The following VDAC1 variants were observed in gnomAD, a reference collection of about 807,000 sequenced individuals.
VDAC1 encodes non-selective voltage-gated ion channel VDAC1.
VDAC1 carries 10 observed loss-of-function variants against 34.7 expected under a neutral mutation model. That is an observed-to-expected ratio of 0.29 (90% CI 0.18 to 0.49). The LOEUF (loss-of-function observed/expected upper bound fraction) is 0.49, where lower values mean the gene tolerates loss of function less well. Among genes scored for constraint, VDAC1 ranks in the 20% least tolerant of loss-of-function variants. VDAC1 has a pLI of 0.99. For missense variants in VDAC1, 230 were observed against 347.9 expected (o/e 0.66, Z 2.69); for synonymous variants, 130 against 136.0 (o/e 0.96, Z 0.30).
At chr5:134,114,009 C>T in the VDAC1 span, among the ~76,000 whole-genome samples, 3 of 152,150 alleles carry the variant, frequency 2.0e-5, no homozygotes, top group Admixed American at 2.0e-4. Flanking sequence ...GGCTGAGGTC[C>T]GGTGCTCTTG....
chr5:134,032,846 A>G, the VDAC1 span, among the ~76,000 whole-genome samples: 2 of 152,188 alleles, frequency 1.3e-5, no homozygotes, highest in East Asian at 3.8e-4. Context: ...AGCCTGGGCA[A>G]CAGAGTGAGA....
intron 1 of VDAC1, among the ~76,000 whole-genome samples, chr5:133,996,125 G>C (rs1199040282): frequency 6.6e-6 from 1 of 152,212 alleles, no homozygotes; most frequent in African/African-American, 2.4e-5. Flanking sequence ...GGCGTCCTGG[G>C]GGAGTCAGAA....
At chr5:134,093,299 G>A in the VDAC1 span, among the ~76,000 whole-genome samples, 3 of 152,222 alleles carry the variant, frequency 2.0e-5, no homozygotes, top group Non-Finnish European at 4.4e-5. Flanking sequence ...GATGTATTGG[G>A]AGTGTGAGGT....
chr5:134,055,213 G>A, the VDAC1 span, among the ~76,000 whole-genome samples: 1 of 152,184 alleles, frequency 6.6e-6, no homozygotes, highest in African/African-American at 2.4e-5. Flanking sequence ...GGGGTGGGGT[G>A]TAGGGTGGAT....
chr5:133,973,181 A>G (rs1408537234), intron 8 of VDAC1, among the ~76,000 whole-genome samples: 1 of 152,148 alleles, frequency 6.6e-6, no homozygotes, highest in Non-Finnish European at 1.5e-5. Flanking sequence ...TTCTTTGGCA[A>G]TCATCCCTTT....
chr5:134,076,181 G>A, the VDAC1 span, among the ~76,000 whole-genome samples: 1 of 151,934 alleles, frequency 6.6e-6, no homozygotes, highest in Non-Finnish European at 1.5e-5. Context: ...ATTGCACCAC[G>A]TTGGTCAGGC....
At chr5:134,100,499 C>G in the VDAC1 span, among the ~76,000 whole-genome samples, 1 of 152,180 alleles carries the variant, frequency 6.6e-6, no homozygotes, top group African/African-American at 2.4e-5. Flanking sequence ...TGATCTAGAT[C>G]TGGGCTCCCT....
chr5:134,015,427 C>G, the VDAC1 span, among the ~76,000 whole-genome samples: 1 of 152,142 alleles, frequency 6.6e-6, no homozygotes, highest in African/African-American at 2.4e-5. Context: ...GCCCACAACA[C>G]ACATTGAATC....
intron 4 of VDAC1, 27 bp from the exon 5 acceptor site, chr5:133,990,934 G>A: frequency 1.9e-6 from 3 of 1,597,656 alleles, no homozygotes; most frequent in Non-Finnish European, 2.6e-6. Flanking sequence ...TTTGCCACTA[G>A]ATTTAGTCAC....
chr5:133,994,883 TG>T lies in VDAC1; in HGVS notation c.-6-1866del, dbSNP rs1310248791. Among the ~76,000 whole-genome samples, 4 of 152,204 alleles carry T rather than the reference TG, an allele frequency of 2.6e-5. No homozygotes were observed. The East Asian group carries it at 7.7e-4, about 29-fold the overall frequency. On this transcript the variant is annotated intron_variant, in intron 1 of 8. Coordinates refer to ENST00000265333, the MANE Select transcript of VDAC1 (RefSeq NM_003374.3). Reference sequence around the variant, plus strand: ...GGAGAAGCAGTCCAGTGGTAATATCTGTGGGTCACCTAAGACCTCCCTGGAC... The same window carrying T: ...GGAGAAGCAGTCCAGTGGTAATATCTTGGGTCACCTAAGACCTCCCTGGAC...
At chr5:134,093,057 A>G in the VDAC1 span, among the ~76,000 whole-genome samples, 1 of 152,266 alleles carries the variant, frequency 6.6e-6, no homozygotes, top group Non-Finnish European at 1.5e-5. Context: ...ACCCTGAGTC[A>G]TAAATCTACC....
the VDAC1 span, among the ~76,000 whole-genome samples, chr5:134,012,390 G>T: frequency 3.9e-5 from 6 of 152,174 alleles, no homozygotes; most frequent in Non-Finnish European, 1.5e-5. Flanking sequence ...ACCTCTAAAA[G>T]ACAATTCTAG....
chr5:134,009,247 CTTTTTTT>C (rs869155174), upstream of VDAC1, among the ~76,000 whole-genome samples: 2 of 87,070 alleles, frequency 2.3e-5, no homozygotes, highest in African/African-American at 9.3e-5. Flanking sequence ...TTTATCAATT[CTTTTTTT>C]TTTTTTTTTT....
At chr5:134,018,391 A>G in the VDAC1 span, among the ~76,000 whole-genome samples, 1 of 152,232 alleles carries the variant, frequency 6.6e-6, no homozygotes, top group East Asian at 1.9e-4. Flanking sequence ...AACACCTCCC[A>G]CCAGGCCCCA....
At chr5:134,053,008 G>A in the VDAC1 span, among the ~76,000 whole-genome samples, 12 of 152,138 alleles carry the variant, frequency 7.9e-5, no homozygotes, top group African/African-American at 2.9e-4. Context: ...CCAGCTACCC[G>A]GGAGGCTGAG....
upstream of VDAC1, among the ~76,000 whole-genome samples, chr5:134,008,277 A>G (rs142315242): frequency 5.1e-4 from 78 of 152,234 alleles, no homozygotes; most frequent in African/African-American, 1.9e-3. Context: ...TGAGGTCCTG[A>G]ATCTAGCCAT....
chr5:134,105,717 C>T, the VDAC1 span, among the ~76,000 whole-genome samples: 1 of 152,354 alleles, frequency 6.6e-6, no homozygotes, highest in South Asian at 2.1e-4. Context: ...CATGGGGACC[C>T]GGGTCTCCCA....
At chr5:134,085,129 C>T in the VDAC1 span, among the ~76,000 whole-genome samples, 4 of 151,516 alleles carry the variant, frequency 2.6e-5, no homozygotes, top group African/African-American at 4.9e-5. Flanking sequence ...AGTGCAGTGG[C>T]GCGATCTCAG....
At chr5:134,037,152 G>C in the VDAC1 span, among the ~76,000 whole-genome samples, 2 of 152,144 alleles carry the variant, frequency 1.3e-5, no homozygotes, top group African/African-American at 4.8e-5. Flanking sequence ...GACACTGCAG[G>C]ACAAGAAGTG....
Sources: gnomAD v4.1 joint callset for allele counts (sites outside exome capture counted in the v4.1 genomes callset) on GRCh38, gnomAD v4.1.1 for gene constraint, MANE v1.5 for transcripts, NCBI Gene and HGNC (gene_info 2026-07-23, HGNC 2026-07-21) for gene names.